The following MYLK3 variants were observed in gnomAD, a reference collection of about 807,000 sequenced individuals.
MYLK3 encodes the protein MLC kinase.
In MYLK3, 55 loss-of-function variants were observed where a neutral mutation model predicts 76.3. The observed-to-expected ratio is 0.72, with a 90% CI of 0.58 to 0.90. The LOEUF is 0.90. Ranked by LOEUF, MYLK3 falls within the 40% of genes least tolerant of loss-of-function variation. The probability of loss-of-function intolerance (pLI) is 0.00; values close to 1 mark genes in which losing one functional copy is unlikely to be tolerated. For synonymous variants in MYLK3, 416 were observed against 425.4 expected, an observed-to-expected ratio of 0.98 and a Z score of 0.27; for missense variants, 973 against 1,053.6, an observed-to-expected ratio of 0.92 and a Z score of 1.06.
chr16:46,730,681 G>A lies in MYLK3; in HGVS notation c.1480C>T (p.Pro494Ser), dbSNP rs533690935. The A allele has an allele frequency of 3.2e-5, 52 of 1,613,848 alleles. No homozygotes were observed. The highest frequency in any genetic ancestry group is 3.8e-5 in the Non-Finnish European group (45 of 1,180,034). ...ACTACCCGGTGTTCAAAAGGAGCTG[G>A]TGGGGCCGGACTGTCATCTGCTCAG... The part of the protein sequence containing the change: ...SVVLDDSPAP[P>S]APFEHRVVSV... Residue 494 changes from proline to serine, a missense_variant, in exon 5 of 13, where the codon CCA becomes TCA. Coordinates refer to ENST00000394809, the MANE Select transcript of MYLK3 (RefSeq NM_182493.3).
intron 3 of MYLK3, among the ~76,000 whole-genome samples, chr16:46,735,175 A>T (rs865896899): frequency 1.3e-5 from 2 of 152,030 alleles, no homozygotes; most frequent in Middle Eastern, 3.4e-3. Flanking sequence ...TAAGATGTTA[A>T]ATTTTACATT....
chr16:46,719,146 G>C (rs913875925), intron 9 of MYLK3, among the ~76,000 whole-genome samples: 3 of 152,028 alleles, frequency 2.0e-5, no homozygotes, highest in African/African-American at 7.2e-5. Context: ...GGCCAACATG[G>C]TGAAACCCCG....
At chr16:46,711,016 C>T in intron 10 of MYLK3, 1 of 554,586 alleles carries the variant, frequency 1.8e-6, no homozygotes, top group East Asian at 3.1e-5. Context: ...TGGAATAAGT[C>T]CCCTCTTGTG....
upstream of MYLK3, among the ~76,000 whole-genome samples, chr16:46,750,463 A>G (rs1180582485): frequency 6.6e-6 from 1 of 152,226 alleles, no homozygotes; most frequent in East Asian, 1.9e-4. Flanking sequence ...TGGGAGGCCA[A>G]AGCAAATGGA....
chr16:46,724,205 C>T (rs542450822), intron 8 of MYLK3, among the ~76,000 whole-genome samples: 1 of 152,164 alleles, frequency 6.6e-6, no homozygotes, highest in Admixed American at 6.5e-5. Flanking sequence ...GATACAAATC[C>T]TTTATCTGAT....
At position 46,737,753 on chromosome 16, in the gene MYLK3, G is replaced by C. The variant is rs773726861; in HGVS notation, c.959C>G (p.Ala320Gly). Residue 320 changes from alanine to glycine, a missense_variant, in exon 3 of 13, where the codon GCC becomes GGC. Transcript: ENST00000394809. ...ACCACTGTGGGTTGCCCTGGCCTGG[G>C]CTGGCAGCCCTGGAGGCCCTGGGCA... ...PQCPGPPGLP[A>G]QARATHSGGE... 14 of 1,610,016 alleles carry C rather than the reference G, an allele frequency of 8.7e-6. No individual in the cohort carries two copies. The Admixed American group carries it at 2.2e-4, about 25-fold the overall frequency.
At chr16:46,755,828 G>A (rs1967191099) in intron 1 of MYLK3, among the ~76,000 whole-genome samples, 1 of 151,822 alleles carries the variant, frequency 6.6e-6, no homozygotes, top group Non-Finnish European at 1.5e-5. Context: ...TCAGCATGAT[G>A]ATGGCAGATA....
rs764546022 is a variant in MYLK3 at position 46,747,904 on chromosome 16, A to C, written c.290T>G (p.Val97Gly). The change falls in exon 1 of 13, where the codon GTG (valine) becomes GGG (glycine). Residue 97 changes from valine to glycine, a missense_variant. Coordinates refer to ENST00000394809, the MANE Select transcript of MYLK3 (RefSeq NM_182493.3). ...QAGWPEVLEL[V>G]RAMQQDAAQH... ...GGCCGCATCCTGCTGCATGGCCCTC[A>C]CCAGCTCCAGGACCTCGGGCCACCC... 1.3e-5 allele frequency: 21 copies of C among 1,613,884 alleles called. No homozygotes were observed. In the South Asian group the frequency reaches 2.3e-4, roughly 18 times the overall value.
At chr16:46,742,829 C>G (rs577464591) in intron 1 of MYLK3, among the ~76,000 whole-genome samples, 2 of 152,208 alleles carry the variant, frequency 1.3e-5, no homozygotes, top group Non-Finnish European at 2.9e-5. Context: ...ATCCCCTGCT[C>G]GGCAGACAGC....
intron 8 of MYLK3, among the ~76,000 whole-genome samples, chr16:46,722,426 T>C (rs1054579874): frequency 6.6e-6 from 1 of 152,332 alleles, no homozygotes; most frequent in Admixed American, 6.5e-5. Context: ...AAAGCAAATG[T>C]CAGCTACTGT....
At chr16:46,723,977 T>C (rs1966824956) in intron 8 of MYLK3, among the ~76,000 whole-genome samples, 3 of 152,252 alleles carry the variant, frequency 2.0e-5, no homozygotes, top group Admixed American at 6.5e-5. Flanking sequence ...CTGTCATTTT[T>C]ACTTTTTATT....
In MYLK3 at chr16:46,706,249, GTGTGTGTGTGTT is replaced by G. The variant is rs1046329000; in HGVS notation, c.*1443_*1454del. The G allele has an allele frequency of 2.0e-5, 3 of 149,770 alleles. No individual in the cohort carries two copies. Among genetic ancestry groups the G allele is most frequent in the African/African-American group, 4.9e-5 (2 of 40,714 alleles). 9.3% of individuals were successfully genotyped at this position (149,770 alleles called of 1,614,324 possible). ...TACCCATACACACATATGTGTTCGT[GTGTGTGTGTGTT>G]TGTGTGTGTGTATATATACATATAC... is the stretch of plus-strand genomic sequence containing the variant. On this transcript the variant is annotated 3_prime_UTR_variant, in exon 13 of 13. Coordinates refer to ENST00000394809, the MANE Select transcript of MYLK3 (RefSeq NM_182493.3).
At chr16:46,735,002 A>G (rs1477157974) in intron 3 of MYLK3, among the ~76,000 whole-genome samples, 1 of 151,712 alleles carries the variant, frequency 6.6e-6, no homozygotes, top group Non-Finnish European at 1.5e-5. Context: ...TTAACCAGGC[A>G]TGGTGGCACA....
chr16:46,759,832 C>T (rs1489432149), intron 1 of MYLK3, among the ~76,000 whole-genome samples: 1 of 152,096 alleles, frequency 6.6e-6, no homozygotes, highest in East Asian at 1.9e-4. Context: ...GGGGTTTCAT[C>T]ATGTTGGCCA....
chr16:46,757,328 G>A (rs1049641540), intron 1 of MYLK3: 1 of 967,570 alleles, frequency 1.0e-6, no homozygotes, highest in Non-Finnish European at 1.2e-6. Context: ...CAGGACCGGG[G>A]AACAACTGTC....
intron 7 of MYLK3, among the ~76,000 whole-genome samples, chr16:46,728,816 C>T (rs143040249): frequency 1.6e-3 from 242 of 152,382 alleles, no homozygotes; most frequent in Middle Eastern, 0.01. Context: ...ATCAGGCTCA[C>T]TGGCCACTGG....
At chr16:46,745,478 T>C (rs892172949) in intron 1 of MYLK3, among the ~76,000 whole-genome samples, 1 of 152,202 alleles carries the variant, frequency 6.6e-6, no homozygotes, top group African/African-American at 2.4e-5. Context: ...GAGCGGTAAC[T>C]CACACCTGTA....
chr16:46,714,584 C>T (rs1966718367), intron 9 of MYLK3, among the ~76,000 whole-genome samples: 1 of 152,240 alleles, frequency 6.6e-6, no homozygotes, highest in Non-Finnish European at 1.5e-5. Context: ...GAGCCTTCCC[C>T]TCAAGGAGAA....
chr16:46,729,811 A>G, intron 5 of MYLK3, 124 bp from the exon 6 acceptor site: 1 of 799,956 alleles, frequency 1.3e-6, no homozygotes, highest in East Asian at 2.6e-5. Flanking sequence ...CCCAGAGTGC[A>G]GCCTGTCATC....
Sources: allele counts gnomAD v4.1 joint callset (sites outside exome capture counted in the v4.1 genomes callset), GRCh38; gene constraint gnomAD v4.1.1; transcripts MANE v1.5; gene names NCBI Gene and HGNC (gene_info 2026-07-23, HGNC 2026-07-21).